Variants in ATP13A4 observed in about 807,000 individuals in gnomAD.
The protein encoded by ATP13A4 is probable cation-transporting ATPase 13A4.
ATP13A4 carries 114 observed loss-of-function variants against 142.5 expected under a neutral mutation model. That is an observed-to-expected ratio of 0.80 (90% CI 0.69 to 0.93). The LOEUF is 0.93. ATP13A4 is among the 40% of genes least tolerant of loss of function. The pLI is 0.00. For missense variants in ATP13A4, 1,392 were observed against 1,454.0 expected (o/e 0.96, Z 0.69); for synonymous variants, 488 against 514.8 (o/e 0.95, Z 0.70).
chr3:193,586,089 A>C (rs1724661382), intron 1 of ATP13A4, among the ~76,000 whole-genome samples: 1 of 23,628 alleles, frequency 4.2e-5, no homozygotes, highest in Admixed American at 6.9e-4. Flanking sequence ...GTATACACAC[A>C]TACACACACA....
In ATP13A4 at chr3:193,407,469, A is replaced by G. The variant is rs115893653; in HGVS notation, c.3298-76T>C. ...AAACATGCTCACATGTTCACAGCAT[A>G]TATTTTCCTAGGTTATAAATCTCAT... is the stretch of plus-strand genomic sequence containing the variant. On this transcript the variant is annotated intron_variant, in intron 28 of 29. Transcript: ENST00000342695. 4.3e-3 allele frequency: 4,901 copies of G among 1,147,808 alleles called. 17 individuals carry two copies. Among genetic ancestry groups the G allele is most frequent in the Non-Finnish European group, 4.6e-3 (3,529 of 764,686 alleles). The allele number at this position is 1,147,808 out of a possible 1,614,324, so 71.1% of individuals were successfully genotyped here. A position where few individuals can be genotyped will look rare whatever the true frequency, so the allele number is the denominator to read the frequency against.
chr3:193,564,961 C>A (rs1453270921), intron 2 of ATP13A4, among the ~76,000 whole-genome samples: 1 of 152,132 alleles, frequency 6.6e-6, no homozygotes, highest in Admixed American at 6.5e-5. Context: ...GACTCCAATG[C>A]CTGATGAACT....
chr3:193,559,676 G>A (rs1224959322), upstream of ATP13A4, among the ~76,000 whole-genome samples: 1 of 152,208 alleles, frequency 6.6e-6, no homozygotes, highest in African/African-American at 2.4e-5. Flanking sequence ...GGCTGATGCT[G>A]TCTCTGCTTC....
intron 25 of ATP13A4, among the ~76,000 whole-genome samples, chr3:193,423,405 T>C (rs1210526064): frequency 1.3e-5 from 2 of 149,204 alleles, no homozygotes; most frequent in African/African-American, 4.9e-5. Flanking sequence ...GGGCCAATAT[T>C]TCTAGTAAAT....
chr3:193,507,581 AT>A (rs1720924605), intron 2 of ATP13A4, among the ~76,000 whole-genome samples: 1 of 152,206 alleles, frequency 6.6e-6, no homozygotes, highest in African/African-American at 2.4e-5. Flanking sequence ...AGCAAAGGCT[AT>A]GTTTATGTTT....
At chr3:193,509,122 C>A (rs1381386262) in intron 2 of ATP13A4, among the ~76,000 whole-genome samples, 1 of 152,084 alleles carries the variant, frequency 6.6e-6, no homozygotes, top group African/African-American at 2.4e-5. Flanking sequence ...GGTTTAAGTT[C>A]TTTGCCCCCA....
chr3:193,462,716 A>G (rs759202024), intron 13 of ATP13A4, 46 bp downstream of exon 13: 20 of 1,567,634 alleles, frequency 1.3e-5, no homozygotes, highest in African/African-American at 8.1e-5. Context: ...AATTTTGGAA[A>G]AAGAGACACT....
intron 1 of ATP13A4, among the ~76,000 whole-genome samples, chr3:193,584,196 G>C (rs939409643): frequency 6.6e-6 from 1 of 152,164 alleles, no homozygotes; most frequent in Admixed American, 6.6e-5. Flanking sequence ...CGATTATCTA[G>C]GTAGGCTGAT....
At chr3:193,418,638 C>T (rs1289691581) in intron 25 of ATP13A4, among the ~76,000 whole-genome samples, 7 of 149,598 alleles carry the variant, frequency 4.7e-5, no homozygotes, top group Non-Finnish European at 7.4e-5. Context: ...CAAGAGGACC[C>T]CAGCAGCCCC....
intron 10 of ATP13A4, among the ~76,000 whole-genome samples, chr3:193,466,929 C>T (rs1254229350): frequency 6.6e-6 from 1 of 151,756 alleles, no homozygotes; most frequent in African/African-American, 2.4e-5. Flanking sequence ...TTCTCCTTGT[C>T]TATGGGTCCA....
intron 28 of ATP13A4, among the ~76,000 whole-genome samples, chr3:193,410,323 T>A (rs1187813361): frequency 6.6e-6 from 1 of 152,124 alleles, no homozygotes; most frequent in Non-Finnish European, 1.5e-5. Context: ...AAAACAGTTT[T>A]AAACAACTTC....
chr3:193,425,734 T>C (rs998128230), intron 25 of ATP13A4, among the ~76,000 whole-genome samples: 3 of 151,684 alleles, frequency 2.0e-5, no homozygotes, highest in Admixed American at 2.0e-4. Context: ...GAGAAGGGGA[T>C]GGAGAGAAGG....
intron 17 of ATP13A4, among the ~76,000 whole-genome samples, chr3:193,452,037 G>A (rs752907269): frequency 2.6e-5 from 4 of 152,120 alleles, no homozygotes; most frequent in Non-Finnish European, 2.9e-5. Flanking sequence ...TCTCCTGCGC[G>A]CCACAGCCCT....
chr3:193,449,786 C>G (rs965466204), intron 17 of ATP13A4, among the ~76,000 whole-genome samples: 3 of 152,152 alleles, frequency 2.0e-5, no homozygotes, highest in Non-Finnish European at 4.4e-5. Context: ...ATGTTCTGAG[C>G]CTTATACCAC....
At chr3:193,511,974 T>C (rs1358557937) in intron 2 of ATP13A4, among the ~76,000 whole-genome samples, 2 of 152,164 alleles carry the variant, frequency 1.3e-5, no homozygotes, top group Non-Finnish European at 2.9e-5. Flanking sequence ...CTCTTACCTA[T>C]TTTCCTCCCT....
intron 2 of ATP13A4, among the ~76,000 whole-genome samples, chr3:193,571,241 T>A (rs1037483422): frequency 9.1e-5 from 12 of 132,116 alleles, no homozygotes; most frequent in African/African-American, 3.7e-4. Flanking sequence ...ATTGCGTTAC[T>A]GCACTCCAGC....
chr3:193,543,100 G>A (rs927792694), intron 1 of ATP13A4, among the ~76,000 whole-genome samples: 5 of 150,260 alleles, frequency 3.3e-5, no homozygotes, highest in African/African-American at 4.9e-5. Flanking sequence ...CCCAGGAGGC[G>A]GAGCTTGTAG....
intron 25 of ATP13A4, among the ~76,000 whole-genome samples, chr3:193,433,194 C>T (rs144293401): frequency 6.6e-6 from 1 of 152,260 alleles, no homozygotes; most frequent in Non-Finnish European, 1.5e-5. Flanking sequence ...TCATCAGTTA[C>T]AACAAATATA....
At chr3:193,415,905 C>T (rs1034377510) in intron 25 of ATP13A4, among the ~76,000 whole-genome samples, 2 of 152,190 alleles carry the variant, frequency 1.3e-5, no homozygotes. Flanking sequence ...AAGCTATGTG[C>T]ATCCCAGGGC....
Sources: allele counts gnomAD v4.1 joint callset (sites outside exome capture counted in the v4.1 genomes callset), GRCh38; gene constraint gnomAD v4.1.1; transcripts MANE v1.5; gene names NCBI Gene and HGNC (gene_info 2026-07-23, HGNC 2026-07-21).